PKHD1L1: variants seen among roughly 807,000 people sequenced by gnomAD.
PKHD1L1 encodes the protein fibrocystin-L.
PKHD1L1 carries 434 observed loss-of-function variants against 462.9 expected under a neutral mutation model. The observed-to-expected ratio is 0.94, with a 90% CI of 0.87 to 1.02. The LOEUF is 1.02. PKHD1L1 is among the 50% of genes least tolerant of loss of function. PKHD1L1 has a pLI of 0.00. For missense variants in PKHD1L1, 5,202 were observed against 5,096.1 expected, an observed-to-expected ratio of 1.02 and a Z score of -0.63; for synonymous variants, 1,781 against 1,750.0, an observed-to-expected ratio of 1.02 and a Z score of -0.44.
intron 32 of PKHD1L1, 136 bp downstream of exon 32, chr8:109,439,228 ATGCCG>A: frequency 1.3e-6 from 1 of 756,916 alleles, no homozygotes; most frequent in Non-Finnish European, 2.1e-6. Flanking sequence ...TTGGCAAAAG[ATGCCG>A]AGAATATCTC....
intron 1 of PKHD1L1, 88 bp from the exon 2 acceptor site, chr8:109,364,459 G>T (rs1811127944): frequency 1.1e-6 from 1 of 873,512 alleles, no homozygotes; most frequent in Non-Finnish European, 1.8e-6. Context: ...TGTTTTCCTT[G>T]CAACCTTGTG....
At chr8:109,461,994 T>C (rs1817164138) in intron 48 of PKHD1L1, 86 bp downstream of exon 48, 1 of 1,432,708 alleles carries the variant, frequency 7.0e-7, no homozygotes, top group African/African-American at 1.4e-5. Context: ...TGTTTGTCAA[T>C]GCTACTTATA....
chr8:109,479,961 T>C lies in PKHD1L1; in HGVS notation c.9179-30T>C, dbSNP rs532732241. On this transcript the variant is annotated intron_variant, in intron 54 of 77. Transcript: ENST00000378402. ...GCTATAAGTTGTAGTTTATGGATTATGTTATATTTCTTAAAGTATTGTTTT... is the reference window on the plus strand; with the variant it reads ...GCTATAAGTTGTAGTTTATGGATTACGTTATATTTCTTAAAGTATTGTTTT... The C allele has an allele frequency of 3.9e-6, 6 of 1,522,916 alleles. No homozygotes were observed. The South Asian group carries it at 5.2e-5, about 13-fold the overall frequency. 94.3% of individuals were successfully genotyped at this position (1,522,916 alleles called of 1,614,324 possible).
At chr8:109,431,211 C>G (rs561471486) in intron 27 of PKHD1L1, among the ~76,000 whole-genome samples, 1 of 152,160 alleles carries the variant, frequency 6.6e-6, no homozygotes, top group South Asian at 2.1e-4. Context: ...CATGCACTTC[C>G]TGAAAAACTA....
At chr8:109,416,633 G>A (rs887579510) in intron 21 of PKHD1L1, among the ~76,000 whole-genome samples, 6 of 152,148 alleles carry the variant, frequency 3.9e-5, no homozygotes, top group African/African-American at 1.4e-4. Flanking sequence ...GAAATGAGTG[G>A]GGAGAATGCT....
At chr8:109,405,169 A>G (rs1424380810) in intron 16 of PKHD1L1, 39 bp downstream of exon 16, 1 of 1,230,750 alleles carries the variant, frequency 8.1e-7, no homozygotes, top group Non-Finnish European at 1.1e-6. Context: ...GTTTCTGTTC[A>G]TGTATAGATG....
At chr8:109,368,778 G>A (rs183049553) in intron 2 of PKHD1L1, among the ~76,000 whole-genome samples, 2 of 152,154 alleles carry the variant, frequency 1.3e-5, no homozygotes, top group Admixed American at 1.3e-4. Flanking sequence ...CTGCTATCAG[G>A]AGACCCAGGT....
intron 21 of PKHD1L1, among the ~76,000 whole-genome samples, chr8:109,418,445 T>C (rs990194560): frequency 5.9e-5 from 9 of 152,232 alleles, no homozygotes; most frequent in Non-Finnish European, 1.2e-4. Flanking sequence ...TGTTAAACTA[T>C]ATTTAATTAT....
intron 53 of PKHD1L1, among the ~76,000 whole-genome samples, chr8:109,477,870 T>G (rs1320884828): frequency 1.3e-5 from 2 of 152,232 alleles, no homozygotes; most frequent in African/African-American, 4.8e-5. Flanking sequence ...AAATATATTT[T>G]AATTCTTTTA....
At chr8:109,439,197 C>G in intron 32 of PKHD1L1, 105 bp downstream of exon 32, 3 of 1,000,966 alleles carry the variant, frequency 3.0e-6, no homozygotes, top group Non-Finnish European at 4.4e-6. Flanking sequence ...TAATTGTTCT[C>G]TTTACCTTCC....
chr8:109,398,456 T>C lies in PKHD1L1; in HGVS notation c.923-3T>C, dbSNP rs575104201. ...AACGGTTTTGTATCTTGCTTCTCTA[T>C]AGGTGAACCTTGTGATATTTTGAAT... On this transcript the variant is annotated splice_region_variant and splice_polypyrimidine_tract_variant and intron_variant, in intron 11 of 77. Coordinates refer to ENST00000378402, the MANE Select transcript of PKHD1L1 (RefSeq NM_177531.6). 2.4e-5 allele frequency: 37 copies of C among 1,528,026 alleles called. No homozygotes were observed. The African/African-American group carries it at 3.7e-4, about 15-fold the overall frequency. 94.7% of individuals were successfully genotyped at this position (1,528,026 alleles called of 1,614,324 possible).
At chr8:109,518,620 A>G in intron 73 of PKHD1L1, 112 bp downstream of exon 73, 1 of 838,218 alleles carries the variant, frequency 1.2e-6, no homozygotes, top group South Asian at 1.9e-5. Context: ...TCAACCCCAC[A>G]TCCTGAACCC....
chr8:109,401,866 G>A (rs1211187677), intron 14 of PKHD1L1, among the ~76,000 whole-genome samples: 1 of 151,970 alleles, frequency 6.6e-6, no homozygotes. Flanking sequence ...TTCTTTACTT[G>A]GACCTTTCAG....
rs769016095 is a variant in PKHD1L1 at position 109,452,265 on chromosome 8, C to T, written c.6492C>T (p.Val2164=). The change falls in exon 42 of 78, where the codon GTC becomes GTT. Residue 2164 remains valine, a synonymous_variant. Transcript: ENST00000378402. The part of the protein sequence containing the change: ...WAPVCVHIRG[V]GMAKLDNADF... ...CAGTTTGTGTCCACATCAGAGGTGTCGGCATGGCCAAACTGGTAATAGTGC... is the reference window on the plus strand; with the variant it reads ...CAGTTTGTGTCCACATCAGAGGTGTTGGCATGGCCAAACTGGTAATAGTGC... The T allele has an allele frequency of 3.1e-5, 49 of 1,601,508 alleles. No homozygotes were observed. Among genetic ancestry groups the T allele is most frequent in the Non-Finnish European group, 3.8e-5 (45 of 1,172,694 alleles).
Position 109,510,839 on chromosome 8 carries a change from A to G in PKHD1L1, c.11458A>G (p.Ser3820Gly), listed in dbSNP as rs766031366. The change falls in exon 71 of 78, where the codon AGC becomes GGC. Residue 3820 changes from serine (S) to glycine (G), a missense_variant. Physicochemically the swap from Ser to Gly is moderately conservative, Grantham distance 56. This residue lies in a region of PKHD1L1 where 698 missense variants were observed against 736.3 expected (regional missense o/e 0.95). Coordinates refer to ENST00000378402, the MANE Select transcript of PKHD1L1 (RefSeq NM_177531.6). The stretch of plus-strand genomic sequence containing the variant: ...CCAGAGAAGGCTGTCCCTGTTTCAC[A>G]GCATTGTGGCTCTGAACAAATCTTA... ...TCQRRLSLFH[S>G]IVALNKSYEV... 10 of 1,613,260 alleles carry G rather than the reference A, an allele frequency of 6.2e-6. No homozygotes were observed. The Admixed American group carries it at 1.7e-4, about 27-fold the overall frequency.
rs905524620 is a variant in PKHD1L1, at chr8:109,536,935, G to A, written c.*6845G>A. 6.6e-6 allele frequency among the ~76,000 whole-genome samples: 1 copy of A among 152,122 alleles called. No homozygotes were observed. Among genetic ancestry groups the A allele is most frequent in the African/African-American group, 2.4e-5 (1 of 41,412 alleles). ...GGCAATTGACCCTAACTAGTATATGGTGATTTTGAGTATTAAAAAAGAAGT... is the reference window on the plus strand; with the variant it reads ...GGCAATTGACCCTAACTAGTATATGATGATTTTGAGTATTAAAAAAGAAGT... On this transcript the variant is annotated 3_prime_UTR_variant, in exon 78 of 78. Transcript: ENST00000378402.
intron 8 of PKHD1L1, among the ~76,000 whole-genome samples, chr8:109,389,509 T>A (rs1586412139): frequency 1.5e-5 from 1 of 66,424 alleles, no homozygotes; most frequent in Non-Finnish European, 3.7e-5. Context: ...AGTGTGTGTG[T>A]GTGTGTGTGT....
intron 62 of PKHD1L1, among the ~76,000 whole-genome samples, 187 bp downstream of exon 62, chr8:109,492,181 C>A (rs750064228): frequency 5.3e-4 from 79 of 149,450 alleles, no homozygotes; most frequent in Non-Finnish European, 6.3e-4. Flanking sequence ...TACCTCATTT[C>A]TTTTCCAACA....
chr8:109,497,207 T>A lies in PKHD1L1; in HGVS notation c.10534T>A (p.Phe3512Ile). ...VTLVDNGMAI[F>I]PMIYMPAAIS... is the part of the protein sequence containing the mutation. ...CCTGGTTGACAATGGAATGGCCATT[T>A]TTCCAATGATTTACATGCCAGCTGC... The change falls in exon 65 of 78, where the codon TTT (phenylalanine) becomes ATT (isoleucine). Residue 3512 changes from phenylalanine to isoleucine, a missense_variant. Phe to Ile is a conservative substitution (Grantham distance 21). Around this residue, in one of 3 missense-constraint regions of PKHD1L1, gnomAD observed 4,497 missense variants for 4,336.8 expected, o/e 1.04. Coordinates refer to ENST00000378402, the MANE Select transcript of PKHD1L1 (RefSeq NM_177531.6). 1 of 1,613,660 alleles carries A rather than the reference T, an allele frequency of 6.2e-7. No individual in the cohort carries two copies. The highest frequency in any genetic ancestry group is 1.1e-5 in the South Asian group (1 of 91,064).
Sources: gnomAD v4.1 joint callset for allele counts (sites outside exome capture counted in the v4.1 genomes callset) on GRCh38, gnomAD v4.1.1 for gene constraint, gnomAD v4.1.1 regional missense constraint, MANE v1.5 for transcripts, NCBI Gene and HGNC (gene_info 2026-07-23, HGNC 2026-07-21) for gene names.